The following NCOR2 variants were observed in gnomAD, a reference collection of about 807,000 sequenced individuals.
NCOR2 encodes the protein nuclear receptor corepressor 2.
A neutral mutation model predicts 262.9 loss-of-function variants in NCOR2; 81 were observed. The observed-to-expected ratio is 0.31, with a 90% CI of 0.26 to 0.37. NCOR2 has a LOEUF of 0.37. Ranked by LOEUF, NCOR2 falls within the 10% of genes least tolerant of loss-of-function variation. The pLI, the probability that NCOR2 is intolerant of heterozygous loss-of-function variation, is 1.00. For synonymous variants in NCOR2, 1,659 were observed against 1,559.3 expected (o/e 1.06, Z -1.51); for missense variants, 3,385 against 3,621.4 (o/e 0.93, Z 1.68).
At chr12:124,413,948 A>ATATCAGAGGGTGTGTCCACACCCT in intron 13 of NCOR2, among the ~76,000 whole-genome samples, 1 of 123,782 alleles carries the variant, frequency 8.1e-6, no homozygotes, top group Admixed American at 8.2e-5. Flanking sequence ...ACTCCCACCC[A>ATATCAGAGGGTGTGTCCACACCCT]CCCCATATCA....
At chr12:124,330,720 T>C in intron 44 of NCOR2, 125 bp downstream of exon 46, 1 of 1,078,142 alleles carries the variant, frequency 9.3e-7, no homozygotes, top group Non-Finnish European at 1.4e-6. Context: ...GGTTAGTTCA[T>C]CCCAGAATGA....
chr12:124,566,520 C>T lies in NCOR2; in HGVS notation c.-165+788G>A, dbSNP rs573363083. On this transcript the variant is annotated intron_variant, in intron 1 of 32. Transcript: ENST00000458234. The surrounding 1 kb of genome is among the most constrained non-coding windows in gnomAD (Gnocchi z 4.3). ...CGTACCCCACGGGTGCCCTCACTCC[C>T]CGCAGGCCTCTGAGGAAGCTGCCCT... 7.9e-5 allele frequency among the ~76,000 whole-genome samples: 12 copies of T among 152,356 alleles called. No individual in the cohort carries two copies. Among genetic ancestry groups the T allele is most frequent in the Middle Eastern group, 3.4e-3 (1 of 294 alleles).
chr12:124,338,306 G>C (rs2036062897), intron 37 of NCOR2, among the ~76,000 whole-genome samples: 1 of 152,152 alleles, frequency 6.6e-6, no homozygotes, highest in African/African-American at 2.4e-5. Flanking sequence ...TCAGAAGTTT[G>C]AGACCAGCCT....
At chr12:124,357,512 G>A (rs774603338) in intron 22 of NCOR2, among the ~76,000 whole-genome samples, 3 of 152,184 alleles carry the variant, frequency 2.0e-5, no homozygotes, top group Non-Finnish European at 4.4e-5. Flanking sequence ...GCCCAGGCTG[G>A]TCTTGAACTA....
chr12:124,348,568 C>T (rs144125194), intron 28 of NCOR2: 77 of 525,620 alleles, frequency 1.5e-4, no homozygotes, highest in Non-Finnish European at 2.4e-4. Flanking sequence ...CACCCTGTAC[C>T]CTAGCCCTCC....
At chr12:124,456,801 G>A (rs2045889450) in intron 6 of NCOR2, among the ~76,000 whole-genome samples, 1 of 152,198 alleles carries the variant, frequency 6.6e-6, no homozygotes, top group Non-Finnish European at 1.5e-5. Context: ...ACCGGCCTAC[G>A]GATGTGTGAC....
At chr12:124,518,651 C>T (rs954927264) in intron 1 of NCOR2, among the ~76,000 whole-genome samples, 2 of 152,280 alleles carry the variant, frequency 1.3e-5, no homozygotes, top group Non-Finnish European at 2.9e-5. Context: ...CCAGCCTTGG[C>T]AGTAAGTAAT....
chr12:124,355,610 C>G, intron 23 of NCOR2, 39 bp from the exon 26 acceptor site: 1 of 1,512,114 alleles, frequency 6.6e-7, no homozygotes, highest in African/African-American at 1.4e-5. Context: ...GGCCCAGGAG[C>G]GGTCACGTCC....
Position 124,336,685 on chromosome 12 carries a change from T to A in NCOR2, c.6115+68A>T, listed in dbSNP as rs940096618. 2.5e-6 allele frequency: 4 copies of A among 1,581,860 alleles called. No individual in the cohort carries two copies. In the African/African-American group the frequency reaches 4.1e-5, roughly 16 times the overall value. ...CCAGCGCACCTCCTTCTCGCGCCCC[T>A]TTATCGTGAGCAATTTGACGCATGA... On this transcript the variant is annotated intron_variant, in intron 38 of 46. Transcript: ENST00000405201.
Position 124,357,903 on chromosome 12 carries a change from ATG to A in NCOR2, c.3101-1123_3101-1122del, listed in dbSNP as rs57170960. 3.1e-4 allele frequency among the ~76,000 whole-genome samples: 43 copies of A among 136,882 alleles called. 1 individual carries two copies. The highest frequency in any genetic ancestry group is 4.3e-3 in the Middle Eastern group (1 of 230). The allele number at this position is 136,882 out of a possible 152,430, so 89.8% of individuals were successfully genotyped here. A position where few individuals can be genotyped will look rare whatever the true frequency, so the allele number is the denominator to read the frequency against. On this transcript the variant is annotated intron_variant, in intron 22 of 46. Coordinates refer to ENST00000405201, the Ensembl canonical transcript of NCOR2. ...AATGTTGAAGGAGGTAACCTGTGAT[ATG>A]TGTGTGTGCGTGCGCACGTGCGTGC... is the stretch of plus-strand genomic sequence containing the variant.
At chr12:124,384,183 C>T (rs2136103601) in intron 17 of NCOR2, among the ~76,000 whole-genome samples, 1 of 152,352 alleles carries the variant, frequency 6.6e-6, no homozygotes, top group South Asian at 2.1e-4. Context: ...ACCTGGCTGA[C>T]AGAATCAATG....
At chr12:124,500,746 G>A (rs11057640) in intron 1 of NCOR2, among the ~76,000 whole-genome samples, 135 of 152,202 alleles carry the variant, frequency 8.9e-4, no homozygotes, top group African/African-American at 2.9e-3. Flanking sequence ...AGGCCACACC[G>A]AGACACATTC....
rs528676398 is a variant in NCOR2 at position 124,456,075 on chromosome 12, T to C, written c.762+1031A>G. Among the ~76,000 whole-genome samples, 3 of 152,344 alleles carry C rather than the reference T, an allele frequency of 2.0e-5. No homozygotes were observed. The East Asian group carries it at 5.8e-4, about 29-fold the overall frequency. On this transcript the variant is annotated intron_variant, in intron 6 of 46. Coordinates refer to ENST00000405201, the Ensembl canonical transcript of NCOR2. ...ATTTTTTGCAGAGACAAGGTCTTGC[T>C]ATCTTGCCCAGGCTGATCTCAAATT... is the stretch of plus-strand genomic sequence containing the variant.
At chr12:124,400,418 C>A in intron 15 of NCOR2, 83 bp downstream of exon 17, 1 of 1,548,358 alleles carries the variant, frequency 6.5e-7, no homozygotes, top group South Asian at 1.2e-5. Context: ...CCAATTAACT[C>A]AAATTGCACG....
At chr12:124,426,735 C>T (rs2043573490) in exon 11 of NCOR2, 1 of 1,610,870 alleles carries the variant, frequency 6.2e-7, no homozygotes, top group Non-Finnish European at 8.5e-7. Context: ...ACTTGATGCG[C>T]TGCTGGTCAG....
At chr12:124,369,055 G>A (rs867424687) in intron 20 of NCOR2, among the ~76,000 whole-genome samples, 8 of 152,218 alleles carry the variant, frequency 5.3e-5, no homozygotes, top group African/African-American at 1.4e-4. Flanking sequence ...ATCTCTGAGC[G>A]CCCACTGTGG....
chr12:124,340,231 G>C (rs764109312), intron 36 of NCOR2, 27 bp from the exon 39 acceptor site: 28 of 1,606,164 alleles, frequency 1.7e-5, no homozygotes, highest in Admixed American at 1.0e-4. Context: ...GCATCAGCAG[G>C]GGGAGGCCTC....
intron 1 of NCOR2, among the ~76,000 whole-genome samples, chr12:124,494,538 T>C (rs1238106993): frequency 1.3e-5 from 2 of 152,084 alleles, no homozygotes; most frequent in Non-Finnish European, 2.9e-5. Context: ...AGGGCACACA[T>C]GTGGGCAGGC....
At chr12:124,333,134 G>A in exon 42 of NCOR2, 1 of 1,604,916 alleles carries the variant, frequency 6.2e-7, no homozygotes, top group Non-Finnish European at 8.5e-7. Flanking sequence ...AAGTACCTGG[G>A]CTCCGTCTGT....
Sources: gnomAD v4.1 joint callset for allele counts (sites outside exome capture counted in the v4.1 genomes callset) on GRCh38, gnomAD v4.1.1 for gene constraint, Gnocchi (gnomAD v3.1) non-coding constraint, MANE v1.5 for transcripts, NCBI Gene and HGNC (gene_info 2026-07-23, HGNC 2026-07-21) for gene names.